Variants in SUCLG2 observed in about 807,000 individuals in gnomAD.
SUCLG2 encodes the protein succinate--CoA ligase [GDP-forming] subunit beta, mitochondrial.
Under a neutral mutation model 47.9 loss-of-function variants are expected in SUCLG2, and 42 were observed. That is an observed-to-expected ratio of 0.88 (90% confidence interval 0.69 to 1.14). SUCLG2 has a LOEUF of 1.14. Ranked by LOEUF, SUCLG2 falls within the 50% of genes most tolerant of loss-of-function variation. The pLI, the probability that SUCLG2 is intolerant of heterozygous loss-of-function variation, is 0.00. For synonymous variants in SUCLG2, 195 were observed against 197.3 expected, an observed-to-expected ratio of 0.99 and a Z score of 0.10; for missense variants, 571 against 525.9, an observed-to-expected ratio of 1.09 and a Z score of -0.84.
chr3:67,365,969 G>A (rs957461426), intron 10 of SUCLG2, among the ~76,000 whole-genome samples: 1 of 152,120 alleles, frequency 6.6e-6, no homozygotes, highest in East Asian at 1.9e-4. Flanking sequence ...AATAGAATGA[G>A]ATCTACAAAT....
At chr3:67,586,234 C>T (rs918346415) in intron 2 of SUCLG2, among the ~76,000 whole-genome samples, 1 of 152,170 alleles carries the variant, frequency 6.6e-6, no homozygotes, top group African/African-American at 2.4e-5. Context: ...AAGTGAGGCT[C>T]CTTCTTTACT....
At chr3:67,560,920 C>G (rs975093360) in intron 2 of SUCLG2, among the ~76,000 whole-genome samples, 1 of 151,160 alleles carries the variant, frequency 6.6e-6, no homozygotes, top group African/African-American at 2.4e-5. Flanking sequence ...CTCCCAACTC[C>G]ATTTTTTTCC....
chr3:67,454,843 T>A (rs374601862), intron 9 of SUCLG2, among the ~76,000 whole-genome samples: 1 of 151,802 alleles, frequency 6.6e-6, no homozygotes, highest in African/African-American at 2.4e-5. Context: ...GCACCTATAG[T>A]CGCAGCTACT....
At chr3:67,531,111 C>G (rs548189841) in intron 2 of SUCLG2, among the ~76,000 whole-genome samples, 15 of 152,214 alleles carry the variant, frequency 9.9e-5, no homozygotes, top group African/African-American at 3.4e-4. Flanking sequence ...AAATGAAATA[C>G]AGTAAAGTGC....
chr3:67,526,778 C>T (rs533440577), intron 4 of SUCLG2, among the ~76,000 whole-genome samples: 35 of 152,172 alleles, frequency 2.3e-4, no homozygotes, highest in African/African-American at 3.6e-4. Context: ...TGCTGGAAAA[C>T]ATTCATCAGT....
At chr3:67,478,051 A>C (rs866097093) in intron 9 of SUCLG2, among the ~76,000 whole-genome samples, 6 of 152,332 alleles carry the variant, frequency 3.9e-5, no homozygotes, top group Admixed American at 3.3e-4. Flanking sequence ...CACATAGATT[A>C]AGTTGCCCAA....
chr3:67,442,073 G>C (rs1703779061), intron 9 of SUCLG2, among the ~76,000 whole-genome samples: 2 of 146,624 alleles, frequency 1.4e-5, no homozygotes, highest in African/African-American at 5.0e-5. Flanking sequence ...TGCAGTGGCG[G>C]GATCTCAGCT....
intron 2 of SUCLG2, among the ~76,000 whole-genome samples, chr3:67,549,903 G>A (rs1030815904): frequency 3.3e-5 from 5 of 151,860 alleles, no homozygotes; most frequent in African/African-American, 1.2e-4. Context: ...TATTGTATCT[G>A]CAAATGGGGA....
intron 1 of SUCLG2, among the ~76,000 whole-genome samples, chr3:67,652,630 T>C (rs747379167): frequency 2.0e-5 from 3 of 152,258 alleles, no homozygotes. Flanking sequence ...TTGGATGTTA[T>C]ATAGTTACTA....
At chr3:67,400,200 C>G (rs777759408) in intron 10 of SUCLG2, among the ~76,000 whole-genome samples, 5 of 151,780 alleles carry the variant, frequency 3.3e-5, no homozygotes, top group Non-Finnish European at 7.4e-5. Context: ...ATTATTCTTA[C>G]TAAAAATTTT....
rs1706073852 is a variant in SUCLG2, at chr3:67,520,589, C to T, written c.463G>A (p.Ala155Thr). ...ALDISRETYL[A>T]ILMDRSCNGP... ...TTGCAGGACCGGTCCATCAGAATTG[C>T]CAGGTAGGTTTCTCTGGAAATATCC... The change falls in exon 5 of 11, where the codon GCA becomes ACA. Residue 155 changes from alanine (A) to threonine (T), a missense_variant. By Grantham distance (58) the Ala-to-Thr change is moderately conservative. Coordinates refer to ENST00000307227, the MANE Select transcript of SUCLG2 (RefSeq NM_003848.4). 6 of 1,613,868 alleles carry T rather than the reference C, an allele frequency of 3.7e-6. No homozygotes were observed. The highest frequency in any genetic ancestry group is 4.2e-6 in the Non-Finnish European group (5 of 1,179,910).
At chr3:67,651,108 T>C (rs1701277766) in intron 1 of SUCLG2, among the ~76,000 whole-genome samples, 1 of 152,178 alleles carries the variant, frequency 6.6e-6, no homozygotes, top group Non-Finnish European at 1.5e-5. Flanking sequence ...ACTGCTAAAT[T>C]CACTGAACAC....
rs1162601409 is a variant in SUCLG2 at position 67,400,812 on chromosome 3, T to C, written c.1102A>G (p.Asn368Asp). ...ATCCCATTGGCAATGATGGCACAGT[T>C]GACGATACCACCAAATATATTGACA... ...ILVNIFGGIV[N>D]CAIIANGITK... Residue 368 changes from asparagine to aspartate, a missense_variant, in exon 10 of 11, where the codon AAC becomes GAC. Physicochemically the swap from Asn to Asp is conservative, Grantham distance 23. Transcript: ENST00000307227. 1.2e-6 allele frequency: 2 copies of C among 1,612,906 alleles called. No homozygotes were observed. Among genetic ancestry groups the C allele is most frequent in the South Asian group, 2.2e-5 (2 of 90,964 alleles).
chr3:67,494,504 T>TG (rs1705281089), intron 9 of SUCLG2, among the ~76,000 whole-genome samples: 1 of 152,110 alleles, frequency 6.6e-6, no homozygotes. Flanking sequence ...CATGCACCTG[T>TG]AGTCCTAGCT....
At chr3:67,493,129 G>A (rs778390868) in intron 9 of SUCLG2, among the ~76,000 whole-genome samples, 8 of 152,136 alleles carry the variant, frequency 5.3e-5, no homozygotes, top group Admixed American at 2.0e-4. Context: ...TTTTGGGCAG[G>A]TGGACACGAA....
At chr3:67,559,753 G>T (rs998295730) in intron 2 of SUCLG2, among the ~76,000 whole-genome samples, 7 of 152,138 alleles carry the variant, frequency 4.6e-5, no homozygotes, top group Non-Finnish European at 1.5e-5. Context: ...TTTTCACAGA[G>T]AATTTTCAGG....
rs924016663 is a variant in SUCLG2, at chr3:67,556,703, T to C, written c.227-27517A>G. Among the ~76,000 whole-genome samples the C allele has an allele frequency of 2.0e-5, 3 of 152,176 alleles. No individual in the cohort carries two copies. In the East Asian group the frequency reaches 5.8e-4, roughly 29 times the overall value. On this transcript the variant is annotated intron_variant, in intron 2 of 10. Transcript: ENST00000307227. The stretch of plus-strand genomic sequence containing the variant: ...CTGCAGTTTTTTGCTATAACACCAT[T>C]ATCTCCTTCCCACTAGCCCATCAAT...
chr3:67,478,656 C>T (rs1284122322), intron 9 of SUCLG2, among the ~76,000 whole-genome samples: 2 of 152,110 alleles, frequency 1.3e-5, no homozygotes, highest in East Asian at 3.8e-4. Flanking sequence ...TTATGTAAAT[C>T]CAACTATTCA....
chr3:67,412,817 T>G (rs1470386663), intron 9 of SUCLG2, among the ~76,000 whole-genome samples: 1 of 152,250 alleles, frequency 6.6e-6, no homozygotes, highest in East Asian at 1.9e-4. Context: ...AAATAAACTT[T>G]CCTCCATATA....
Sources: allele counts gnomAD v4.1 joint callset (sites outside exome capture counted in the v4.1 genomes callset), GRCh38; gene constraint gnomAD v4.1.1; transcripts MANE v1.5; gene names NCBI Gene and HGNC (gene_info 2026-07-23, HGNC 2026-07-21).